The following MAGI3 variants were observed in gnomAD, a reference collection of about 807,000 sequenced individuals.
The protein encoded by MAGI3 is membrane-associated guanylate kinase, WW and PDZ domain-containing protein 3.
A neutral mutation model predicts 121.8 loss-of-function variants in MAGI3; 43 were observed. That is an observed-to-expected ratio of 0.35 (90% CI 0.28 to 0.46). MAGI3 has a LOEUF of 0.46. Among genes scored for constraint, MAGI3 ranks in the 20% least tolerant of loss-of-function variants. The probability of loss-of-function intolerance (pLI) is 1.00; values close to 1 mark genes in which losing one functional copy is unlikely to be tolerated. For synonymous variants in MAGI3, 553 were observed against 639.3 expected (o/e 0.86, Z 2.04); for missense variants, 1,547 against 1,797.3 (o/e 0.86, Z 2.52).
intron 7 of MAGI3, chr1:113,618,564 G>A (rs758345293): frequency 3.4e-5 from 15 of 443,474 alleles, no homozygotes; most frequent in South Asian, 2.1e-4. Flanking sequence ...GGAGTGCAAT[G>A]GCATGATCTC....
chr1:113,669,281 C>A (rs1370590579), intron 16 of MAGI3, among the ~76,000 whole-genome samples: 2 of 152,152 alleles, frequency 1.3e-5, no homozygotes, highest in Non-Finnish European at 2.9e-5. Flanking sequence ...CTAGTGAGTA[C>A]AGGAATATCG....
chr1:113,522,909 T>C (rs528453717), intron 1 of MAGI3, among the ~76,000 whole-genome samples: 2 of 152,276 alleles, frequency 1.3e-5, no homozygotes, highest in Admixed American at 6.5e-5. Context: ...AAAGAGACAA[T>C]GAAAGTATTT....
chr1:113,390,942 C>T lies in MAGI3; in HGVS notation c.-92C>T. On this transcript the variant is annotated 5_prime_UTR_variant, in exon 1 of 21. Transcript: ENST00000307546. ...GCGAGGCCCCCCTTACCGGGCTGCG[C>T]GGGCCGCCCAGGGCCCCCGGGCTGA... 3.6e-6 allele frequency: 4 copies of T among 1,112,906 alleles called. No homozygotes were observed. The highest frequency in any genetic ancestry group is 2.3e-6 in the Non-Finnish European group (2 of 864,138). The allele number at this position is 1,112,906 out of a possible 1,614,324, so 68.9% of individuals were successfully genotyped here.
intron 1 of MAGI3, among the ~76,000 whole-genome samples, chr1:113,396,234 T>A (rs1651110092): frequency 1.3e-5 from 2 of 151,896 alleles, no homozygotes; most frequent in South Asian, 4.1e-4. Context: ...AATCTTGTTT[T>A]TATGGATTAC....
chr1:113,642,583 C>A (rs1360094333), intron 10 of MAGI3, 67 bp downstream of exon 10: 4 of 1,507,308 alleles, frequency 2.7e-6, no homozygotes, highest in Non-Finnish European at 2.7e-6. Context: ...ATTGTCTTTC[C>A]TTACAGTTTA....
At chr1:113,565,939 A>G (rs527623698) in intron 2 of MAGI3, among the ~76,000 whole-genome samples, 1 of 152,224 alleles carries the variant, frequency 6.6e-6, no homozygotes, top group South Asian at 2.1e-4. Flanking sequence ...CTTTCATTTG[A>G]TATCAGCTGA....
intron 18 of MAGI3, among the ~76,000 whole-genome samples, chr1:113,673,112 C>G (rs1647663047): frequency 6.6e-6 from 1 of 152,194 alleles, no homozygotes; most frequent in Admixed American, 6.5e-5. Context: ...CATTGACCAA[C>G]TAGAAAAGAC....
chr1:113,616,353 G>A lies in MAGI3; in HGVS notation c.1076+1695G>A, dbSNP rs1402843086. 5.3e-5 allele frequency among the ~76,000 whole-genome samples: 8 copies of A among 152,228 alleles called. No individual in the cohort carries two copies. In the East Asian group the frequency reaches 1.5e-3, roughly 29 times the overall value. On this transcript the variant is annotated intron_variant, in intron 7 of 20. Coordinates refer to ENST00000307546, the MANE Select transcript of MAGI3 (RefSeq NM_001142782.2). The stretch of plus-strand genomic sequence containing the variant: ...TGCACATTAGTATGGAGTCAGCTGA[G>A]CTGTGGAGTGTGGCTTGATTCCCAG...
At chr1:113,554,002 C>T (rs1246377860) in intron 2 of MAGI3, among the ~76,000 whole-genome samples, 1 of 152,126 alleles carries the variant, frequency 6.6e-6, no homozygotes, top group Admixed American at 6.5e-5. Context: ...AGCGAGACTA[C>T]GTCTCAAACA....
intron 3 of MAGI3, among the ~76,000 whole-genome samples, chr1:113,583,234 G>A (rs1462927997): frequency 6.6e-6 from 1 of 151,804 alleles, no homozygotes; most frequent in East Asian, 1.9e-4. Context: ...CCATGTTGGT[G>A]TGCTGCACCC....
At chr1:113,573,225 C>T (rs905430301) in intron 2 of MAGI3, among the ~76,000 whole-genome samples, 4 of 151,988 alleles carry the variant, frequency 2.6e-5, no homozygotes, top group Non-Finnish European at 4.4e-5. Flanking sequence ...GCACCCAGCC[C>T]TGTTCGGCTA....
At chr1:113,548,289 G>A (rs1659626933) in intron 1 of MAGI3, among the ~76,000 whole-genome samples, 1 of 152,068 alleles carries the variant, frequency 6.6e-6, no homozygotes, top group Non-Finnish European at 1.5e-5. Context: ...GGACTGTTTG[G>A]AGTTTCATTT....
intron 5 of MAGI3, among the ~76,000 whole-genome samples, chr1:113,593,364 A>C (rs904988399): frequency 6.6e-6 from 1 of 152,180 alleles, no homozygotes; most frequent in African/African-American, 2.4e-5. Flanking sequence ...CAACATAGCC[A>C]GGCCTCTCTC....
intron 20 of MAGI3, chr1:113,682,153 T>G (rs1259718400): frequency 1.3e-6 from 2 of 1,485,550 alleles, no homozygotes; most frequent in East Asian, 2.3e-5. Context: ...CTTTGCTAAC[T>G]GCACTGATTT....
At chr1:113,474,917 A>G (rs1388074644) in intron 1 of MAGI3, among the ~76,000 whole-genome samples, 3 of 152,080 alleles carry the variant, frequency 2.0e-5, no homozygotes, top group Non-Finnish European at 4.4e-5. Flanking sequence ...TATTTCCTTG[A>G]GCAGTGGTTT....
intron 1 of MAGI3, among the ~76,000 whole-genome samples, chr1:113,445,522 A>T (rs942304159): frequency 1.3e-5 from 2 of 152,112 alleles, no homozygotes; most frequent in African/African-American, 4.8e-5. Context: ...GGAGGCTGAG[A>T]TGAGAGATTG....
At chr1:113,602,313 CCCT>C (rs1649452677) in intron 6 of MAGI3, among the ~76,000 whole-genome samples, 1 of 152,016 alleles carries the variant, frequency 6.6e-6, no homozygotes, top group Admixed American at 6.6e-5. Flanking sequence ...CCTAAAGGAA[CCCT>C]AAAAACTATA....
chr1:113,395,290 T>C (rs1371909842), intron 1 of MAGI3, among the ~76,000 whole-genome samples: 3 of 151,640 alleles, frequency 2.0e-5, no homozygotes, highest in East Asian at 3.9e-4. Flanking sequence ...TTAGAAACAA[T>C]AGAAAAAGAA....
intron 1 of MAGI3, among the ~76,000 whole-genome samples, chr1:113,549,013 A>G (rs539020263): frequency 6.6e-6 from 1 of 152,346 alleles, no homozygotes; most frequent in East Asian, 1.9e-4. Context: ...GCCTTCTACA[A>G]TAGGGAAAAT....
Sources: allele counts gnomAD v4.1 joint callset (sites outside exome capture counted in the v4.1 genomes callset), GRCh38; gene constraint gnomAD v4.1.1; transcripts MANE v1.5; gene names NCBI Gene and HGNC (gene_info 2026-07-23, HGNC 2026-07-21).